Variants in RYR1 observed in about 807,000 individuals in gnomAD.
RYR1 encodes ryanodine receptor 1.
In RYR1, 342 loss-of-function variants were observed where a neutral mutation model predicts 583.5. The ratio of observed to expected loss-of-function variants is 0.59; its 90% CI spans 0.54 to 0.64. The LOEUF (loss-of-function observed/expected upper bound fraction) is 0.64, where lower values mean the gene tolerates loss of function less well. Ranked by LOEUF, RYR1 falls within the 30% of genes least tolerant of loss-of-function variation. RYR1 has a pLI of 0.00. For missense variants in RYR1, 6,032 were observed against 6,917.2 expected, an observed-to-expected ratio of 0.87 and a Z score of 4.54; for synonymous variants, 2,791 against 2,822.5, an observed-to-expected ratio of 0.99 and a Z score of 0.35.
rs1568506691 is a variant in RYR1 at position 38,502,799 on chromosome 19, AGGG to A, written c.7835+74_7835+76del. Reference sequence around the variant, plus strand: ...CAGGGGCAGGGGCAGGGGCAGGGGCAGGGGCAGGGGGAGGAGCAGGGGCAGGGG... The same window carrying A: ...CAGGGGCAGGGGCAGGGGCAGGGGCAGCAGGGGGAGGAGCAGGGGCAGGGG... On this transcript the variant is annotated intron_variant, in intron 48 of 105. Coordinates refer to ENST00000359596, the MANE Select transcript of RYR1 (RefSeq NM_000540.3). 113 of 406,020 alleles carry A rather than the reference AGGG, an allele frequency of 2.8e-4. 1 individual carries two copies. The highest frequency in any genetic ancestry group is 1.3e-3 in the Middle Eastern group (2 of 1,576). The allele number at this position is 406,020 out of a possible 1,614,324, so 25.2% of individuals were successfully genotyped here. A position where few individuals can be genotyped will look rare whatever the true frequency, so the allele number is the denominator to read the frequency against.
rs1007515866 is a variant in RYR1 at position 38,496,846 on chromosome 19, T to C, written c.6797-14T>C. ...GCAGGAGTGAGATGTTCTCCCCACC[T>C]CTCGCCCCTGCAGGCATGCAGGGCT... On this transcript the variant is annotated splice_polypyrimidine_tract_variant and intron_variant, in intron 41 of 105. Transcript: ENST00000359596. This position sits in a 1 kb window ranked among gnomAD's most constrained non-coding sequence, Gnocchi z 4.8. 7 of 1,610,902 alleles carry C rather than the reference T, an allele frequency of 4.3e-6. No homozygotes were observed. Among genetic ancestry groups the C allele is most frequent in the African/African-American group, 1.3e-5 (1 of 74,924 alleles).
In RYR1 at chr19:38,535,166, C is replaced by T. The variant is rs757745087; in HGVS notation, c.11385C>T (p.Ser3795=). 43 of 1,613,954 alleles carry T rather than the reference C, an allele frequency of 2.7e-5. No individual in the cohort carries two copies. Among genetic ancestry groups the T allele is most frequent in the Admixed American group, 6.7e-5 (4 of 59,984 alleles). ...CKGETGAMVS[S]TLKLGISILN... ...GAGAGACAGGTGCCATGGTGTCCTC[C>T]ACCCTGAAGCTGGGCATCTCCATCC... Residue 3795 remains serine, a synonymous_variant, in exon 80 of 106, where the codon TCC becomes TCT. Coordinates refer to ENST00000359596, the MANE Select transcript of RYR1 (RefSeq NM_000540.3).
chr19:38,530,968 A>G (rs372840259), intron 76 of RYR1, among the ~76,000 whole-genome samples: 1 of 128,580 alleles, frequency 7.8e-6, no homozygotes, highest in African/African-American at 2.9e-5. Flanking sequence ...ATGCCCAGCT[A>G]TTTTTCTTTT....
chr19:38,489,461 G>A lies in RYR1; in HGVS notation c.5814+18G>A. ...AGTTACAGGTGGGCTGCTGCTTCCT[G>A]CTTTTCGGCCTCTGTCCATCTGGGC... is the stretch of plus-strand genomic sequence containing the variant. On this transcript the variant is annotated intron_variant, in intron 35 of 105. Transcript: ENST00000359596. 1 of 1,613,820 alleles carries A rather than the reference G, an allele frequency of 6.2e-7. No homozygotes were observed. The highest frequency in any genetic ancestry group is 8.5e-7 in the Non-Finnish European group (1 of 1,179,818).
rs1600729111 is a variant in RYR1 at position 38,473,264 on chromosome 19, C to A, written c.3766-113C>A. 1.5e-5 allele frequency: 20 copies of A among 1,337,846 alleles called. No homozygotes were observed. In the East Asian group the frequency reaches 3.9e-4, roughly 26 times the overall value. The allele number at this position is 1,337,846 out of a possible 1,614,324, so 82.9% of individuals were successfully genotyped here. A position where few individuals can be genotyped will look rare whatever the true frequency, so the allele number is the denominator to read the frequency against. On this transcript the variant is annotated intron_variant, in intron 27 of 105. Transcript: ENST00000359596. ...AGGAGTGGGGGGCCCTTGACTAATT[C>A]CCATGCAGGTGCACTATGGCCTAAT...
intron 27 of RYR1, among the ~76,000 whole-genome samples, chr19:38,472,835 T>TAA (rs34985897): frequency 1.1e-4 from 12 of 107,334 alleles, no homozygotes; most frequent in South Asian, 3.2e-4. Context: ...GACTCTTGTC[T>TAA]AAAAAAAAAA....
At chr19:38,569,156 G>A (rs979282463) in intron 93 of RYR1, among the ~76,000 whole-genome samples, 8 of 152,064 alleles carry the variant, frequency 5.3e-5, no homozygotes, top group South Asian at 2.1e-4. Context: ...GACTACAGGC[G>A]CCCGCCGCCA....
chr19:38,483,438 C>T lies in RYR1; in HGVS notation c.4856C>T (p.Ala1619Val). Residue 1619 changes from alanine (A) to valine (V), a missense_variant, in exon 33 of 106, where the codon GCC (alanine) becomes GTC (valine). By Grantham distance (64) the Ala-to-Val change is moderately conservative (BLOSUM62 0). This residue lies in a region of RYR1 where 2,627 missense variants were observed against 2,961.3 expected (regional missense o/e 0.89). Transcript: ENST00000359596. This position sits in a 1 kb window ranked among gnomAD's most constrained non-coding sequence, Gnocchi z 6.3. ...TTCCTGCAGGTGGAGACGAGGCGTG[C>T]CGGCGAGCGGCTGGGCTGGGCCGTG... ...NHFLQVETRR[A>V]GERLGWAVQC... The T allele has an allele frequency of 3.8e-6, 6 of 1,575,246 alleles. No homozygotes were observed. Among genetic ancestry groups the T allele is most frequent in the South Asian group, 1.2e-5 (1 of 86,098 alleles).
chr19:38,586,223 G>A (rs113102243), intron 104 of RYR1, 32 bp downstream of exon 104: 4 of 1,592,272 alleles, frequency 2.5e-6, no homozygotes, highest in East Asian at 2.2e-5. Context: ...TCAGGAGGGT[G>A]GGGGGCATGG....
chr19:38,439,668 C>T (rs1188329598), intron 1 of RYR1, among the ~76,000 whole-genome samples: 4 of 151,696 alleles, frequency 2.6e-5, no homozygotes, highest in East Asian at 1.9e-4. Flanking sequence ...CACCACACCC[C>T]GCTAATTTTT....
Position 38,527,581 on chromosome 19 carries a change from G to T in RYR1, c.10687-66G>T, listed in dbSNP as rs997241533. 3.1e-5 allele frequency: 50 copies of T among 1,603,344 alleles called. No individual in the cohort carries two copies. The African/African-American group carries it at 5.7e-4, about 18-fold the overall frequency. ...CATTGAGTCCTCCCAAAAACGGAAA[G>T]GGGACATCCGGCGGACACTGTGGGA... On this transcript the variant is annotated intron_variant, in intron 72 of 105. Coordinates refer to ENST00000359596, the MANE Select transcript of RYR1 (RefSeq NM_000540.3).
At chr19:38,446,143 A>G (rs1385948620) in intron 7 of RYR1, among the ~76,000 whole-genome samples, 1 of 151,850 alleles carries the variant, frequency 6.6e-6, no homozygotes, top group Non-Finnish European at 1.5e-5. Flanking sequence ...TTAGACCTCC[A>G]CCTTTCACCA....
intron 83 of RYR1, 54 bp from the exon 84 acceptor site, chr19:38,537,826 T>C: frequency 6.6e-7 from 1 of 1,508,692 alleles, no homozygotes; most frequent in Non-Finnish European, 9.2e-7. Flanking sequence ...ATGTGTGCGC[T>C]GTGTCTTGGC....
At chr19:38,587,257 T>TAC (rs1974537538) in intron 105 of RYR1, 68 bp from the exon 106 acceptor site, 1 of 505,956 alleles carries the variant, frequency 2.0e-6, no homozygotes, top group East Asian at 5.6e-5. Context: ...TGTCTAAAAA[T>TAC]ATATATATAT....
At chr19:38,459,475 C>T (rs1568453433) in intron 19 of RYR1, 137 bp downstream of exon 19, 1 of 820,466 alleles carries the variant, frequency 1.2e-6, no homozygotes, top group Non-Finnish European at 2.0e-6. Context: ...GTCCAGAACC[C>T]TTACTTGAAG....
chr19:38,571,478 C>CA (rs1011894193), intron 94 of RYR1, among the ~76,000 whole-genome samples: 6 of 151,006 alleles, frequency 4.0e-5, no homozygotes, highest in South Asian at 2.1e-4. Context: ...ACTAAAAATA[C>CA]AAAAAAAAAT....
In RYR1 at chr19:38,459,320, G is replaced by A; in HGVS notation, c.2342G>A (p.Ser781Asn). 1 of 1,614,058 alleles carries A rather than the reference G, an allele frequency of 6.2e-7. No individual in the cohort carries two copies. Among genetic ancestry groups the A allele is most frequent in the Non-Finnish European group, 8.5e-7 (1 of 1,180,016 alleles). The change falls in exon 19 of 106, where the codon AGC becomes AAC. Residue 781 changes from serine (S) to asparagine (N), a missense_variant. Physicochemically the swap from Ser to Asn is conservative, Grantham distance 46 (BLOSUM62 1). This residue lies in a region of RYR1 where 2,627 missense variants were observed against 2,961.3 expected (regional missense o/e 0.89). Coordinates refer to ENST00000359596, the MANE Select transcript of RYR1 (RefSeq NM_000540.3). ...NLDGLFFPVV[S>N]FSAGVKVRFL... ...GACGGGCTCTTCTTCCCTGTTGTCAGCTTCTCGGCTGGTGTCAAGTGAGAA... is the reference window on the plus strand; with the variant it reads ...GACGGGCTCTTCTTCCCTGTTGTCAACTTCTCGGCTGGTGTCAAGTGAGAA...
At position 38,507,992 on chromosome 19, in the gene RYR1, C is replaced by T. The variant is rs191023408; in HGVS notation, c.8932+165C>T. On this transcript the variant is annotated intron_variant, in intron 58 of 105. Transcript: ENST00000359596. ...AGACACTGTTCTAGATGCTGGGGTA[C>T]AGCAGTGAAGATGACAAATGACCCC... is the stretch of plus-strand genomic sequence containing the variant. 8.2e-4 allele frequency among the ~76,000 whole-genome samples: 125 copies of T among 152,154 alleles called. 1 individual carries two copies. The South Asian group carries it at 9.3e-3, about 11-fold the overall frequency.
At chr19:38,579,859 T>G in intron 99 of RYR1, 123 bp from the exon 100 acceptor site, 1 of 1,237,710 alleles carries the variant, frequency 8.1e-7, no homozygotes, top group Non-Finnish European at 1.2e-6. Context: ...CTCCATGTAC[T>G]CCCCAAACAG....
Sources: allele counts gnomAD v4.1 joint callset (sites outside exome capture counted in the v4.1 genomes callset), GRCh38; gene constraint gnomAD v4.1.1; regional missense constraint gnomAD v4.1.1; non-coding constraint Gnocchi (gnomAD v3.1); transcripts MANE v1.5; gene names NCBI Gene and HGNC (gene_info 2026-07-23, HGNC 2026-07-21).